UNC93A: variants seen among roughly 807,000 people sequenced by gnomAD.
UNC93A encodes the protein N-acetylglucosamine transporter UNC93A.
In UNC93A, 43 loss-of-function variants were observed where a neutral mutation model predicts 47.5. The observed-to-expected ratio is 0.91, with a 90% CI of 0.71 to 1.17. The LOEUF (loss-of-function observed/expected upper bound fraction) is 1.17. Ranked by LOEUF, UNC93A falls within the 50% of genes most tolerant of loss-of-function variation. UNC93A has a pLI of 0.00. For synonymous variants in UNC93A, 280 were observed against 258.0 expected, an observed-to-expected ratio of 1.09 and a Z score of -0.82; for missense variants, 605 against 577.6, an observed-to-expected ratio of 1.05 and a Z score of -0.49.
At chr6:167,308,590 G>T (rs1404201243) in intron 7 of UNC93A, among the ~76,000 whole-genome samples, 1 of 151,974 alleles carries the variant, frequency 6.6e-6, no homozygotes, top group Non-Finnish European at 1.5e-5. Context: ...GCAGGAGGTG[G>T]CAGGGATGCT....
At chr6:167,300,591 G>A (rs538684220) in intron 4 of UNC93A, among the ~76,000 whole-genome samples, 2 of 152,268 alleles carry the variant, frequency 1.3e-5, no homozygotes, top group East Asian at 3.9e-4. Context: ...TGGAAGGTGT[G>A]GACAGGGAGT....
At chr6:167,279,539 A>G in intron 1 of UNC93A, among the ~76,000 whole-genome samples, 1 of 152,204 alleles carries the variant, frequency 6.6e-6, no homozygotes, top group East Asian at 1.9e-4. Flanking sequence ...CAGATAGTAT[A>G]TAGATATAAA....
upstream of UNC93A, among the ~76,000 whole-genome samples, chr6:167,287,378 C>A (rs148501145): frequency 6.6e-6 from 1 of 152,128 alleles, no homozygotes; most frequent in Non-Finnish European, 1.5e-5. Flanking sequence ...TGTGTACCAC[C>A]CCATACTCCC....
upstream of UNC93A, among the ~76,000 whole-genome samples, chr6:167,288,607 G>C (rs1257055328): frequency 6.6e-6 from 1 of 152,116 alleles, no homozygotes; most frequent in African/African-American, 2.4e-5. Context: ...ATACATTTGA[G>C]TTTATTTGGT....
At chr6:167,282,375 G>A (rs56286801) in intron 1 of UNC93A, among the ~76,000 whole-genome samples, 32,789 of 151,962 alleles carry the variant, frequency 0.22, 3,772 homozygotes, top group African/African-American at 0.29. Context: ...GTGCATAGGG[G>A]GCCCCACCAA....
chr6:167,310,419 G>A (rs1370635640), intron 7 of UNC93A, among the ~76,000 whole-genome samples: 1 of 152,288 alleles, frequency 6.6e-6, no homozygotes, highest in Non-Finnish European at 1.5e-5. Context: ...TACTCTCAGG[G>A]AAAGCCTTGT....
chr6:167,295,343 C>G (rs1460688595), intron 2 of UNC93A, among the ~76,000 whole-genome samples: 3 of 152,262 alleles, frequency 2.0e-5, no homozygotes, highest in Non-Finnish European at 2.9e-5. Context: ...GAGGCCCGAG[C>G]CGGTCACTAG....
upstream of UNC93A, among the ~76,000 whole-genome samples, chr6:167,289,249 T>C (rs980663306): frequency 3.9e-5 from 6 of 152,082 alleles, no homozygotes; most frequent in African/African-American, 2.4e-5. Flanking sequence ...AAGATAAGAG[T>C]GTCCCTTTGT....
intron 1 of UNC93A, among the ~76,000 whole-genome samples, chr6:167,280,349 A>G (rs978856555): frequency 1.3e-5 from 2 of 152,184 alleles, no homozygotes; most frequent in Non-Finnish European, 2.9e-5. Flanking sequence ...TGTGCTTTCA[A>G]GGGAAAATGC....
intron 1 of UNC93A, among the ~76,000 whole-genome samples, chr6:167,286,054 T>G (rs1052823321): frequency 6.9e-6 from 1 of 145,876 alleles, no homozygotes; most frequent in Admixed American, 6.7e-5. Context: ...TCTATTTATA[T>G]TCACATATGG....
intron 1 of UNC93A, among the ~76,000 whole-genome samples, chr6:167,273,386 C>A (rs1047187837): frequency 2.6e-5 from 4 of 152,180 alleles, no homozygotes; most frequent in Admixed American, 2.6e-4. Context: ...CCCAGCCATG[C>A]CTCCTCATTG....
chr6:167,275,403 C>T (rs1411795726), intron 1 of UNC93A, among the ~76,000 whole-genome samples: 8 of 152,214 alleles, frequency 5.3e-5, no homozygotes, highest in Admixed American at 1.3e-4. Flanking sequence ...CCTAATGATT[C>T]CCCAGGTTGT....
intron 4 of UNC93A, among the ~76,000 whole-genome samples, chr6:167,298,731 G>T (rs1252729361): frequency 6.6e-6 from 1 of 152,110 alleles, no homozygotes; most frequent in African/African-American, 2.4e-5. Flanking sequence ...TTTCATATGT[G>T]ACTTCAGTGT....
intron 7 of UNC93A, among the ~76,000 whole-genome samples, chr6:167,311,360 T>C (rs1197448462): frequency 6.6e-6 from 1 of 152,328 alleles, no homozygotes; most frequent in East Asian, 1.9e-4. Flanking sequence ...TGAGGATCCC[T>C]GGCTCACTGT....
At chr6:167,315,070 A>C (rs1402156859) in intron 7 of UNC93A, 117 bp from the exon 8 acceptor site, 16 of 1,453,396 alleles carry the variant, frequency 1.1e-5, no homozygotes, top group Non-Finnish European at 1.4e-5. Context: ...TTGTGAAAAA[A>C]GAAAAATGTC....
intron 1 of UNC93A, among the ~76,000 whole-genome samples, chr6:167,285,050 CA>C (rs1455534706): frequency 0.019 from 2,851 of 152,266 alleles, 59 homozygotes; most frequent in African/African-American, 0.065. Flanking sequence ...CAGCATAAGC[CA>C]ACCTGTTCCT....
chr6:167,288,683 G>T (rs565997004), upstream of UNC93A, among the ~76,000 whole-genome samples: 22 of 152,310 alleles, frequency 1.4e-4, no homozygotes, highest in South Asian at 8.3e-4. Context: ...TTGCTTACAT[G>T]AGTACATTCC....
chr6:167,284,151 G>T (rs923194031), intron 1 of UNC93A, among the ~76,000 whole-genome samples: 5 of 152,026 alleles, frequency 3.3e-5, no homozygotes, highest in Admixed American at 1.3e-4. Context: ...AACAAGCCTT[G>T]TTCCATCTTC....
Position 167,294,563 on chromosome 6 carries a change from C to A in UNC93A, c.134C>A (p.Thr45Asn), listed in dbSNP as rs762572347. The change falls in exon 2 of 8, where the codon ACC becomes AAC. Residue 45 changes from threonine to asparagine, a missense_variant. Transcript: ENST00000230256. ...EEGLGVTALS[T>N]LYGGMLLSSM... is the part of the protein sequence containing the mutation. ...GGCCTGGGTGTCACAGCGCTCAGCA[C>A]CCTCTATGGAGGCATGCTCCTGTCC... The A allele has an allele frequency of 1.9e-6, 3 of 1,613,970 alleles. No individual in the cohort carries two copies. Among genetic ancestry groups the A allele is most frequent in the African/African-American group, 2.7e-5 (2 of 74,886 alleles).
Sources: allele counts gnomAD v4.1 joint callset (sites outside exome capture counted in the v4.1 genomes callset), GRCh38; gene constraint gnomAD v4.1.1; transcripts MANE v1.5; gene names NCBI Gene and HGNC (gene_info 2026-07-23, HGNC 2026-07-21).